The following ACAD11 variants were observed in gnomAD, a reference collection of about 807,000 sequenced individuals.
ACAD11 encodes the protein acyl-Coenzyme A dehydrogenase family, member 11.
In ACAD11, 83 loss-of-function variants were observed where a neutral mutation model predicts 102.2. The observed-to-expected ratio is 0.81, with a 90% CI of 0.68 to 0.97. The LOEUF (loss-of-function observed/expected upper bound fraction) is 0.97, where lower values mean the gene tolerates loss of function less well. ACAD11 is among the 50% of genes least tolerant of loss of function. The pLI, the probability that ACAD11 is intolerant of heterozygous loss-of-function variation, is 0.00. For synonymous variants in ACAD11, 324 were observed against 319.8 expected (o/e 1.01, Z -0.14); for missense variants, 901 against 951.7 (o/e 0.95, Z 0.70).
At chr3:132,595,082 T>G (rs916223755) in intron 13 of ACAD11, among the ~76,000 whole-genome samples, 4 of 152,182 alleles carry the variant, frequency 2.6e-5, no homozygotes, top group Admixed American at 2.6e-4. Flanking sequence ...TGTTAAGTGC[T>G]ATGGGTCTGG....
chr3:132,631,598 CT>C, intron 5 of ACAD11, 119 bp from the exon 6 acceptor site: 1 of 777,922 alleles, frequency 1.3e-6, no homozygotes, highest in Non-Finnish European at 1.8e-6. Flanking sequence ...AATTTCAGGT[CT>C]TTACCCACAG....
chr3:132,623,556 T>C (rs150866170), intron 9 of ACAD11, among the ~76,000 whole-genome samples: 50 of 152,252 alleles, frequency 3.3e-4, no homozygotes, highest in African/African-American at 7.7e-4. Flanking sequence ...GCTCACATTA[T>C]CAGATATGGT....
chr3:132,596,957 T>G (rs752106757), intron 13 of ACAD11, among the ~76,000 whole-genome samples: 6 of 152,356 alleles, frequency 3.9e-5, no homozygotes, highest in South Asian at 2.1e-4. Flanking sequence ...TTTCTCTAGA[T>G]GCTACCTACA....
intron 8 of ACAD11, among the ~76,000 whole-genome samples, chr3:132,627,425 A>G (rs2107860469): frequency 6.6e-6 from 1 of 152,196 alleles, no homozygotes; most frequent in East Asian, 1.9e-4. Context: ...TTGAATCTTT[A>G]TTGAAGTCAC....
At chr3:132,659,438 G>C in intron 1 of ACAD11, 165 bp downstream of exon 1, 2 of 937,672 alleles carry the variant, frequency 2.1e-6, no homozygotes, top group Non-Finnish European at 3.1e-6. Context: ...CCCCAGCATC[G>C]AATTCGGAGG....
chr3:132,624,016 C>T (rs1469806443), intron 9 of ACAD11, among the ~76,000 whole-genome samples: 1 of 151,230 alleles, frequency 6.6e-6, no homozygotes, highest in African/African-American at 2.4e-5. Flanking sequence ...TCCCCCACCC[C>T]CGAAAAAAGA....
rs529650492 is a variant in ACAD11 at position 132,613,169 on chromosome 3, T to C, written c.1414+5465A>G. 3.3e-5 allele frequency among the ~76,000 whole-genome samples: 5 copies of C among 149,414 alleles called. No individual in the cohort carries two copies. In the East Asian group the frequency reaches 9.8e-4, roughly 29 times the overall value. ...CATGTTCTCACTCATAGGTGGGAAT[T>C]GAACAATGAGAACACATGGACACAG... On this transcript the variant is annotated intron_variant, in intron 11 of 19. Coordinates refer to ENST00000264990, the MANE Select transcript of ACAD11 (RefSeq NM_032169.5).
At chr3:132,620,900 A>G (rs1939583712) in intron 9 of ACAD11, among the ~76,000 whole-genome samples, 1 of 152,210 alleles carries the variant, frequency 6.6e-6, no homozygotes, top group South Asian at 2.1e-4. Flanking sequence ...CAAAATTTGA[A>G]AACAGTTACT....
At chr3:132,603,184 C>T in intron 13 of ACAD11, 45 bp downstream of exon 13, 1 of 1,416,234 alleles carries the variant, frequency 7.1e-7, no homozygotes, top group Non-Finnish European at 1.0e-6. Context: ...GCATCTGGAA[C>T]AAAGGATCAG....
rs148067387 is a variant in ACAD11, at chr3:132,588,422, T to G, written c.1622-8864A>C. ...GAATACAAATATACATTTTTATTCA[T>G]GACAAATATATGAGTTTTATTTATC... On this transcript the variant is annotated intron_variant, in intron 13 of 19. Transcript: ENST00000264990. Among the ~76,000 whole-genome samples, 506 of 152,340 alleles carry G rather than the reference T, an allele frequency of 3.3e-3. 3 individuals carry two copies. The highest frequency in any genetic ancestry group is 0.018 in the East Asian group (95 of 5,192).
Position 132,559,010 on chromosome 3 carries a change from C to T in ACAD11, c.2304G>A (p.Glu768=), listed in dbSNP as rs1416091685. Residue 768 remains glutamate, a synonymous_variant, in exon 20 of 20, where the codon GAG becomes GAA. Transcript: ENST00000264990. ...EVHLSAIATM[E]LRDQAKRLTA... ...TCAGTCTTTTGGCTTGGTCCCGCAG[C>T]TCCATTGTTGCGATTGCTGAAAGAT... 3.1e-6 allele frequency: 5 copies of T among 1,613,612 alleles called. No homozygotes were observed. The highest frequency in any genetic ancestry group is 4.2e-6 in the Non-Finnish European group (5 of 1,179,798).
chr3:132,578,125 G>T (rs1008889355), intron 15 of ACAD11, among the ~76,000 whole-genome samples: 1 of 152,146 alleles, frequency 6.6e-6, no homozygotes, highest in Non-Finnish European at 1.5e-5. Context: ...TTGGGAGGCC[G>T]AGGAGGGTGG....
chr3:132,658,849 AT>A (rs1168208863), intron 1 of ACAD11, among the ~76,000 whole-genome samples: 1 of 152,200 alleles, frequency 6.6e-6, no homozygotes, highest in Non-Finnish European at 1.5e-5. Flanking sequence ...CATTTCATTA[AT>A]AAGACTAATC....
At chr3:132,563,888 C>A (rs986788254) in intron 17 of ACAD11, among the ~76,000 whole-genome samples, 1 of 152,102 alleles carries the variant, frequency 6.6e-6, no homozygotes, top group Admixed American at 6.5e-5. Flanking sequence ...AGTCTTTCAT[C>A]ATTAAGTATG....
chr3:132,603,501 G>C (rs1938706122), intron 12 of ACAD11, among the ~76,000 whole-genome samples, 174 bp from the exon 13 acceptor site: 2 of 152,160 alleles, frequency 1.3e-5, no homozygotes, highest in Non-Finnish European at 2.9e-5. Context: ...AACGTGCACT[G>C]AAAGAATGAG....
rs764063988 is a variant in ACAD11, at chr3:132,559,844, AGG to A, written c.2215_2216del (p.Pro739SerfsTer3). On this transcript the variant is annotated frameshift_variant, in exon 19 of 20. Coordinates refer to ENST00000264990, the MANE Select transcript of ACAD11 (RefSeq NM_032169.5). LOFTEE classifies it high-confidence loss of function. ...CGGAGVSQDY[P>X]LANMYAITRV... ...TGACATCTACTCACATGTTAGCCAG[AGG>A]GTAATCCTGGGAAACACCAGCACCT... 11 of 1,612,976 alleles carry A rather than the reference AGG, an allele frequency of 6.8e-6. No individual in the cohort carries two copies. In the East Asian group the frequency reaches 2.0e-4, roughly 29 times the overall value.
At chr3:132,559,792 G>A (rs377291697) in intron 19 of ACAD11, 41 bp downstream of exon 19, 121 of 1,524,300 alleles carry the variant, frequency 7.9e-5, no homozygotes, top group Non-Finnish European at 2.3e-5. Context: ...TTACCTCCAC[G>A]CCTATCAAAC....
chr3:132,642,291 C>T (rs919652863), intron 3 of ACAD11, among the ~76,000 whole-genome samples, 158 bp from the exon 4 acceptor site: 1 of 152,130 alleles, frequency 6.6e-6, no homozygotes, highest in Non-Finnish European at 1.5e-5. Flanking sequence ...AACATCAAAA[C>T]TACTCTCAAC....
intron 17 of ACAD11, among the ~76,000 whole-genome samples, chr3:132,575,453 C>T (rs1937508720): frequency 6.6e-6 from 1 of 152,156 alleles, no homozygotes; most frequent in African/African-American, 2.4e-5. Context: ...GCAAATCCTT[C>T]TTCCTTATGA....
Sources: gnomAD v4.1 joint callset for allele counts (sites outside exome capture counted in the v4.1 genomes callset) on GRCh38, gnomAD v4.1.1 for gene constraint, MANE v1.5 for transcripts, NCBI Gene and HGNC (gene_info 2026-07-23, HGNC 2026-07-21) for gene names.